The following ZMYM4 variants were observed in gnomAD, a reference collection of about 807,000 sequenced individuals.
ZMYM4 encodes zinc finger MYM-type protein 4.
Under a neutral mutation model 183.2 loss-of-function variants are expected in ZMYM4, and 31 were observed. The ratio of observed to expected loss-of-function variants is 0.17; its 90% CI spans 0.13 to 0.23. The LOEUF is 0.23. ZMYM4 is among the 10% of genes least tolerant of loss of function. ZMYM4 has a pLI of 1.00. For synonymous variants in ZMYM4, 592 were observed against 631.2 expected, an observed-to-expected ratio of 0.94 and a Z score of 0.93; for missense variants, 1,273 against 1,840.3, an observed-to-expected ratio of 0.69 and a Z score of 5.64.
chr1:35,372,934 G>GATC (rs1414990349), intron 7 of ZMYM4, among the ~76,000 whole-genome samples: 3 of 152,270 alleles, frequency 2.0e-5, no homozygotes, highest in African/African-American at 7.2e-5. Flanking sequence ...AAGGCAGGTG[G>GATC]ATCACTAGAG....
chr1:35,334,596 ACTTTTT>A (rs1642896785), intron 2 of ZMYM4, among the ~76,000 whole-genome samples: 1 of 152,160 alleles, frequency 6.6e-6, no homozygotes, highest in Admixed American at 6.6e-5. Flanking sequence ...AAAAAAGTTT[ACTTTTT>A]CTTCATAGCA....
intron 25 of ZMYM4, among the ~76,000 whole-genome samples, chr1:35,406,982 A>C (rs1465703258): frequency 6.6e-6 from 1 of 152,160 alleles, no homozygotes; most frequent in African/African-American, 2.4e-5. Context: ...ATCTGCTCCC[A>C]CCTGCCCTTC....
intron 2 of ZMYM4, among the ~76,000 whole-genome samples, chr1:35,349,752 C>T (rs1643528675): frequency 1.3e-5 from 2 of 151,348 alleles, no homozygotes; most frequent in African/African-American, 4.9e-5. Context: ...ATTGCTTGAA[C>T]CCGGGCAGTG....
intron 3 of ZMYM4, among the ~76,000 whole-genome samples, chr1:35,360,521 A>G (rs112789822): frequency 2.0e-5 from 3 of 152,194 alleles, no homozygotes; most frequent in East Asian, 3.9e-4. Context: ...AGGATATACT[A>G]TATTTTTCTC....
intron 2 of ZMYM4, among the ~76,000 whole-genome samples, chr1:35,344,290 G>A (rs187180027): frequency 6.6e-6 from 1 of 152,216 alleles, no homozygotes; most frequent in African/African-American, 2.4e-5. Flanking sequence ...CTGGCCTCAA[G>A]TGATCCACCT....
At position 35,381,275 on chromosome 1, in the gene ZMYM4, A is replaced by G. The variant is rs772526180; in HGVS notation, c.1198A>G (p.Lys400Glu). ...TATTTTTAGAGACATTTTAAATCCA[A>G]AGGATGTGATCAGTGCCCAGTTTGA... The part of the protein sequence containing the change: ...SSCSKDILNP[K>E]DVISAQFENT... The change falls in exon 8 of 30, where the codon AAG (lysine) becomes GAG (glutamate). Residue 400 changes from lysine to glutamate, a missense_variant. Around this residue, in one of 6 missense-constraint regions of ZMYM4, gnomAD observed 384 missense variants for 465.6 expected, o/e 0.82. Coordinates refer to ENST00000314607, the MANE Select transcript of ZMYM4 (RefSeq NM_005095.3). The G allele has an allele frequency of 1.9e-6, 3 of 1,587,476 alleles. No individual in the cohort carries two copies. In the Admixed American group the frequency reaches 5.6e-5, roughly 29 times the overall value.
intron 28 of ZMYM4, among the ~76,000 whole-genome samples, chr1:35,416,650 G>A (rs193079281): frequency 7.4e-4 from 112 of 152,130 alleles, no homozygotes; most frequent in African/African-American, 2.5e-3. Flanking sequence ...TGCAGACTTC[G>A]CCTCCCAGGT....
intron 1 of ZMYM4, among the ~76,000 whole-genome samples, chr1:35,270,159 A>G (rs1049790489): frequency 2.0e-5 from 3 of 152,120 alleles, no homozygotes; most frequent in Non-Finnish European, 4.4e-5. Flanking sequence ...CCTAGAACCT[A>G]TTTGCAGATG....
At chr1:35,382,088 T>C (rs1644469722) in intron 9 of ZMYM4, among the ~76,000 whole-genome samples, 1 of 148,414 alleles carries the variant, frequency 6.7e-6, no homozygotes, top group Non-Finnish European at 1.5e-5. Flanking sequence ...GAGGTTGCAG[T>C]GAGCCAAGAT....
At chr1:35,279,599 C>G (rs894660399) in intron 1 of ZMYM4, among the ~76,000 whole-genome samples, 1 of 152,184 alleles carries the variant, frequency 6.6e-6, no homozygotes, top group African/African-American at 2.4e-5. Context: ...TTTCCTTTTG[C>G]TTAAAGTTCC....
intron 1 of ZMYM4, among the ~76,000 whole-genome samples, chr1:35,314,664 ATTT>A (rs769116908): frequency 1.1e-5 from 1 of 88,926 alleles, no homozygotes; most frequent in African/African-American, 4.7e-5. Flanking sequence ...TTCAAAAATG[ATTT>A]TTTTTTTTTT....
rs995507225 is a variant in ZMYM4 at position 35,283,505 on chromosome 1, T to C, written c.39+14420T>C. Reference sequence around the variant, plus strand: ...GGCGCCCACCACCACACCCGGCCAATTTTTTTGTATTTTTAGTAGAGACAG... The same window carrying C: ...GGCGCCCACCACCACACCCGGCCAACTTTTTTGTATTTTTAGTAGAGACAG... On this transcript the variant is annotated intron_variant, in intron 1 of 29. Coordinates refer to ENST00000314607, the MANE Select transcript of ZMYM4 (RefSeq NM_005095.3). Among the ~76,000 whole-genome samples, 6 of 151,080 alleles carry C rather than the reference T, an allele frequency of 4.0e-5. No individual in the cohort carries two copies. The East Asian group carries it at 7.8e-4, about 20-fold the overall frequency.
intron 1 of ZMYM4, among the ~76,000 whole-genome samples, chr1:35,318,402 A>C (rs1384247579): frequency 6.6e-6 from 1 of 152,090 alleles, no homozygotes; most frequent in African/African-American, 2.4e-5. Context: ...CTGTATCACA[A>C]GTTACATAGG....
intron 7 of ZMYM4, among the ~76,000 whole-genome samples, chr1:35,379,378 C>T (rs1043716886): frequency 8.5e-5 from 13 of 152,184 alleles, no homozygotes; most frequent in African/African-American, 3.1e-4. Context: ...GGATTACAAG[C>T]GTGAGCCACT....
At chr1:35,275,975 A>G (rs573694633) in intron 1 of ZMYM4, among the ~76,000 whole-genome samples, 2 of 152,180 alleles carry the variant, frequency 1.3e-5, no homozygotes, top group South Asian at 2.1e-4. Flanking sequence ...TTTCATTCAT[A>G]TCATCTTTCT....
intron 26 of ZMYM4, among the ~76,000 whole-genome samples, chr1:35,413,239 C>T (rs1328131800): frequency 4.6e-5 from 7 of 151,398 alleles, no homozygotes; most frequent in African/African-American, 1.7e-4. Context: ...AGAGATGGGT[C>T]TCACTGTGTT....
intron 15 of ZMYM4, among the ~76,000 whole-genome samples, chr1:35,391,979 C>T (rs954871045): frequency 4.0e-5 from 6 of 151,650 alleles, no homozygotes; most frequent in Non-Finnish European, 8.8e-5. Context: ...AGGTGGAGGT[C>T]GCTGTGAGCT....
chr1:35,347,934 T>C (rs551701400), intron 2 of ZMYM4, among the ~76,000 whole-genome samples: 3 of 152,328 alleles, frequency 2.0e-5, no homozygotes, highest in South Asian at 2.1e-4. Flanking sequence ...TGATAGTTTA[T>C]TACAGTGATG....
rs1325066620 is a variant in ZMYM4, at chr1:35,398,476, TGAAAATATGTTTTGATTTTTA to T, written c.3253+15_3253+35del. 1.6e-5 allele frequency: 26 copies of T among 1,609,488 alleles called. No homozygotes were observed. The highest frequency in any genetic ancestry group is 2.0e-5 in the Non-Finnish European group (24 of 1,177,882). On this transcript the variant is annotated intron_variant, in intron 21 of 29. Transcript: ENST00000314607. Reference sequence around the variant, plus strand: ...AAGATATTTGAAAAAGGTTTGTAGTTGAAAATATGTTTTGATTTTTAGAAATACTACCCTCTGTTAGAAACC... The same window carrying T: ...AAGATATTTGAAAAAGGTTTGTAGTTGAAATACTACCCTCTGTTAGAAACC...
Sources: allele counts gnomAD v4.1 joint callset (sites outside exome capture counted in the v4.1 genomes callset), GRCh38; gene constraint gnomAD v4.1.1; regional missense constraint gnomAD v4.1.1; transcripts MANE v1.5; gene names NCBI Gene and HGNC (gene_info 2026-07-23, HGNC 2026-07-21).